Variants in NXPE2 observed in about 807,000 individuals in gnomAD.
NXPE2 encodes NXPE family member 2.
Under a neutral mutation model 34.4 loss-of-function variants are expected in NXPE2, and 34 were observed. The observed-to-expected ratio is 0.99, with a 90% CI of 0.75 to 1.31. The LOEUF is 1.31. Ranked by LOEUF, NXPE2 falls within the 40% of genes most tolerant of loss-of-function variation. The probability of loss-of-function intolerance (pLI) is 0.00; values close to 1 mark genes in which losing one functional copy is unlikely to be tolerated. For missense variants in NXPE2, 649 were observed against 672.5 expected (o/e 0.97, Z 0.39); for synonymous variants, 235 against 231.3 (o/e 1.02, Z -0.15).
the NXPE2 span, among the ~76,000 whole-genome samples, chr11:114,546,166 C>T: frequency 1.1e-3 from 172 of 152,202 alleles, no homozygotes; most frequent in Non-Finnish European, 2.1e-3. Flanking sequence ...GTCTGTAAGG[C>T]GAAAGACAAA....
At chr11:114,502,317 C>T in the NXPE2 span, among the ~76,000 whole-genome samples, 1 of 152,232 alleles carries the variant, frequency 6.6e-6, no homozygotes, top group African/African-American at 2.4e-5. Flanking sequence ...TCTTCACTCC[C>T]CCCACAAAAG....
chr11:114,571,296 TCTC>T, the NXPE2 span: 1 of 1,614,044 alleles, frequency 6.2e-7, no homozygotes, highest in Non-Finnish European at 8.5e-7. Flanking sequence ...AGTATTTTTT[TCTC>T]CTCCAGTTCT....
At chr11:114,693,830 A>G (rs989656979) in intron 2 of NXPE2, among the ~76,000 whole-genome samples, 1 of 152,244 alleles carries the variant, frequency 6.6e-6, no homozygotes, top group African/African-American at 2.4e-5. Flanking sequence ...AAAAACAGCT[A>G]TTATAACTAT....
At chr11:114,659,608 A>G in the NXPE2 span, among the ~76,000 whole-genome samples, 1 of 152,172 alleles carries the variant, frequency 6.6e-6, no homozygotes, top group African/African-American at 2.4e-5. Context: ...CAAGAATACT[A>G]GAAAATATTT....
the NXPE2 span, among the ~76,000 whole-genome samples, chr11:114,800,228 G>A: frequency 1.3e-5 from 2 of 152,322 alleles, no homozygotes; most frequent in East Asian, 3.9e-4. Flanking sequence ...TCTTGGATGA[G>A]CTGACATTTG....
the NXPE2 span, among the ~76,000 whole-genome samples, chr11:114,566,076 G>T: frequency 6.6e-6 from 1 of 152,168 alleles, no homozygotes; most frequent in African/African-American, 2.4e-5. Context: ...TATAAATCAA[G>T]AATTCTACTT....
chr11:114,554,593 C>T, the NXPE2 span, among the ~76,000 whole-genome samples: 1 of 152,094 alleles, frequency 6.6e-6, no homozygotes, highest in Non-Finnish European at 1.5e-5. Context: ...AATTAACATG[C>T]TAAATAACAA....
rs749331686 is a variant in NXPE2, at chr11:114,698,287, G to C, written c.375G>C (p.Arg125Ser). The C allele has an allele frequency of 1.2e-5, 19 of 1,613,602 alleles. No individual in the cohort carries two copies. Among genetic ancestry groups the C allele is most frequent in the Non-Finnish European group, 1.5e-5 (18 of 1,179,766 alleles). ...TCAACCCTCAAGATACGTACTGCAG[G>C]GGGGATCAGCTGGACATCCTTCTGG... ...TILNPQDTYC[R>S]GDQLDILLEV... The change falls in exon 3 of 6, where the codon AGG (arginine) becomes AGC (serine). Residue 125 changes from arginine (R) to serine (S), a missense_variant. Physicochemically the swap from Arg to Ser is moderately radical, Grantham distance 110 (BLOSUM62 -1). Coordinates refer to ENST00000389586, the MANE Select transcript of NXPE2 (RefSeq NM_182495.6).
chr11:114,732,671 C>T, the NXPE2 span, among the ~76,000 whole-genome samples: 5 of 152,088 alleles, frequency 3.3e-5, no homozygotes, highest in Non-Finnish European at 5.9e-5. Context: ...TTTAAATTAT[C>T]TATTTCCTTT....
the NXPE2 span, among the ~76,000 whole-genome samples, chr11:114,503,535 G>A: frequency 6.6e-6 from 1 of 151,812 alleles, no homozygotes; most frequent in Admixed American, 6.6e-5. Flanking sequence ...GATGAAAAAA[G>A]TTGATGACTA....
At chr11:114,594,733 C>T in the NXPE2 span, 28 of 1,587,272 alleles carry the variant, frequency 1.8e-5, no homozygotes, top group South Asian at 3.2e-4. Flanking sequence ...CCAATAGTGA[C>T]TTATAATTTA....
chr11:114,684,055 G>A (rs998227286), intron 2 of NXPE2, among the ~76,000 whole-genome samples: 4 of 152,154 alleles, frequency 2.6e-5, no homozygotes, highest in Non-Finnish European at 5.9e-5. Flanking sequence ...AATAGTCTAG[G>A]TTTGAGGTCC....
the NXPE2 span, among the ~76,000 whole-genome samples, chr11:114,568,545 CCCTT>C: frequency 2.6e-5 from 4 of 151,026 alleles, no homozygotes; most frequent in Admixed American, 1.3e-4. Context: ...TTTTCCCTCT[CCCTT>C]CCTTCCTCCC....
the NXPE2 span, among the ~76,000 whole-genome samples, chr11:114,736,236 A>G: frequency 6.6e-6 from 1 of 152,190 alleles, no homozygotes; most frequent in African/African-American, 2.4e-5. Flanking sequence ...AACTGGTCTG[A>G]CCAAAATTTA....
chr11:114,795,585 G>A, the NXPE2 span, among the ~76,000 whole-genome samples: 1 of 152,122 alleles, frequency 6.6e-6, no homozygotes, highest in Non-Finnish European at 1.5e-5. Flanking sequence ...TCTGATAATA[G>A]CATTCACATC....
At chr11:114,499,697 G>A in the NXPE2 span, among the ~76,000 whole-genome samples, 1 of 152,274 alleles carries the variant, frequency 6.6e-6, no homozygotes, top group South Asian at 2.1e-4. Context: ...AAATACGTAT[G>A]TCTGTGTAAC....
At chr11:114,810,278 T>C in the NXPE2 span, among the ~76,000 whole-genome samples, 729 of 151,182 alleles carry the variant, frequency 4.8e-3, 2 homozygotes, top group South Asian at 0.02. Context: ...GACATAGGCA[T>C]GGGCAAGGAC....
At chr11:114,636,740 C>T in the NXPE2 span, among the ~76,000 whole-genome samples, 4 of 152,176 alleles carry the variant, frequency 2.6e-5, no homozygotes, top group South Asian at 8.3e-4. Flanking sequence ...CATTCAGGAG[C>T]AGGTTGTTCA....
the NXPE2 span, among the ~76,000 whole-genome samples, chr11:114,638,041 T>TAATA: frequency 2.6e-5 from 4 of 151,844 alleles, no homozygotes; most frequent in African/African-American, 9.7e-5. Context: ...TTCTCCTGGA[T>TAATA]AATATCCTGC....
Sources: gnomAD v4.1 joint callset for allele counts (sites outside exome capture counted in the v4.1 genomes callset) on GRCh38, gnomAD v4.1.1 for gene constraint, MANE v1.5 for transcripts, NCBI Gene and HGNC (gene_info 2026-07-23, HGNC 2026-07-21) for gene names.